CELF2: variants seen among roughly 807,000 people sequenced by gnomAD.
CELF2 encodes the protein CUG triplet repeat RNA-binding protein 2.
A neutral mutation model predicts 62.6 loss-of-function variants in CELF2; 8 were observed. The ratio of observed to expected loss-of-function variants is 0.13; its 90% CI spans 0.07 to 0.23. The LOEUF (loss-of-function observed/expected upper bound fraction) is 0.23, where lower values mean the gene tolerates loss of function less well. CELF2 is among the 10% of genes least tolerant of loss of function. CELF2 has a pLI of 1.00. For synonymous variants in CELF2, 258 were observed against 250.0 expected, an observed-to-expected ratio of 1.03 and a Z score of -0.30; for missense variants, 333 against 671.0, an observed-to-expected ratio of 0.50 and a Z score of 5.56.
At chr10:10,904,228 A>ATTTT (rs11374267) in intron 1 of CELF2, among the ~76,000 whole-genome samples, 1 of 148,302 alleles carries the variant, frequency 6.7e-6, no homozygotes, top group Non-Finnish European at 1.5e-5. Context: ...TCCATTTTTA[A>ATTTT]TTTTTTTTTT....
At chr10:10,727,904 G>A in the CELF2 span, among the ~76,000 whole-genome samples, 1 of 152,224 alleles carries the variant, frequency 6.6e-6, no homozygotes, top group African/African-American at 2.4e-5. Context: ...TTTATTGAGT[G>A]CTACAATAAG....
At chr10:11,283,141 G>C (rs1352005885) in intron 8 of CELF2, among the ~76,000 whole-genome samples, 1 of 152,218 alleles carries the variant, frequency 6.6e-6, no homozygotes, top group East Asian at 1.9e-4. Flanking sequence ...CAAGGACTAG[G>C]AGAGGGACAG....
intron 1 of CELF2, among the ~76,000 whole-genome samples, chr10:10,911,246 G>A (rs1326811627): frequency 1.3e-5 from 2 of 152,208 alleles, no homozygotes; most frequent in Admixed American, 6.5e-5. Context: ...GGGCTCCTCT[G>A]CGGAGGTGAT....
rs1335617071 is a variant in CELF2 at position 11,223,071 on chromosome 10, C to T, written c.354+5564C>T. On this transcript the variant is annotated intron_variant, in intron 3 of 12. Transcript: ENST00000633077. This position sits in a 1 kb window ranked among gnomAD's most constrained non-coding sequence, Gnocchi z 5.1. ...TAGCGAACTTTCTTATTTGAGGCTT[C>T]ACCAACGATCTCAGTTCCTTGGTGT... Among the ~76,000 whole-genome samples, 1 of 152,230 alleles carries T rather than the reference C, an allele frequency of 6.6e-6. No individual in the cohort carries two copies. Among genetic ancestry groups the T allele is most frequent in the Non-Finnish European group, 1.5e-5 (1 of 68,034 alleles).
At chr10:11,144,341 G>A (rs1170308775) in intron 1 of CELF2, among the ~76,000 whole-genome samples, 1 of 152,088 alleles carries the variant, frequency 6.6e-6, no homozygotes, top group Admixed American at 6.5e-5. Context: ...AATCAATTTA[G>A]CCATGGGATA....
At chr10:10,789,841 A>G in the CELF2 span, among the ~76,000 whole-genome samples, 1 of 152,030 alleles carries the variant, frequency 6.6e-6, no homozygotes. Flanking sequence ...ATCCATATAT[A>G]TTTCTTAATT....
the CELF2 span, among the ~76,000 whole-genome samples, chr10:10,471,925 A>G: frequency 1.3e-5 from 2 of 151,900 alleles, no homozygotes; most frequent in Admixed American, 6.6e-5. Context: ...TGTCATTCCA[A>G]TATTATCCAG....
In CELF2 at chr10:10,997,269, T is replaced by G. The variant is rs1175551790; in HGVS notation, c.89+77270T>G. ...GATGCAAGCCTTTGTGCCACTGCAC[T>G]CTAGCCTGAGCAACAGAGCAAGACA... On this transcript the variant is annotated intron_variant, in intron 2 of 13. Coordinates refer to the CELF2 transcript ENST00000636488. This position sits in a 1 kb window ranked among gnomAD's most constrained non-coding sequence, Gnocchi z 5.3. Among the ~76,000 whole-genome samples, 1 of 152,214 alleles carries G rather than the reference T, an allele frequency of 6.6e-6. No individual in the cohort carries two copies. The highest frequency in any genetic ancestry group is 1.9e-4 in the East Asian group (1 of 5,198).
At chr10:10,860,301 T>G (rs1212293430) in intron 1 of CELF2, among the ~76,000 whole-genome samples, 1 of 152,124 alleles carries the variant, frequency 6.6e-6, no homozygotes, top group East Asian at 1.9e-4. Context: ...TAACATTATT[T>G]GAAAATAGTT....
At chr10:11,087,982 C>G (rs1174830383) in intron 1 of CELF2, among the ~76,000 whole-genome samples, 1 of 152,220 alleles carries the variant, frequency 6.6e-6, no homozygotes, top group Non-Finnish European at 1.5e-5. Context: ...CTGATACATT[C>G]TCCACTGTGA....
intron 1 of CELF2, among the ~76,000 whole-genome samples, chr10:11,057,614 C>T (rs967883191): frequency 1.3e-5 from 2 of 152,248 alleles, no homozygotes; most frequent in Middle Eastern, 3.4e-3. Flanking sequence ...ACTGATTATA[C>T]GCTCAAAGCC....
At chr10:10,766,471 C>T in the CELF2 span, among the ~76,000 whole-genome samples, 16 of 152,276 alleles carry the variant, frequency 1.1e-4, no homozygotes, top group Non-Finnish European at 2.1e-4. Context: ...GGGAAAGACA[C>T]ACTGCTGCCT....
At chr10:11,152,648 C>CA (rs1172131593) in intron 1 of CELF2, among the ~76,000 whole-genome samples, 2 of 152,100 alleles carry the variant, frequency 1.3e-5, no homozygotes, top group African/African-American at 2.4e-5. Flanking sequence ...TCTTTTCTCC[C>CA]AAAAAAGGAA....
chr10:11,107,910 C>A (rs12778206), intron 1 of CELF2, among the ~76,000 whole-genome samples: 2 of 124,772 alleles, frequency 1.6e-5, no homozygotes, highest in Admixed American at 8.0e-5. Context: ...CATCTCCTCC[C>A]TTCTCCCATT....
chr10:11,331,719 A>C lies in CELF2; in HGVS notation c.*2666A>C, dbSNP rs2096025827. The stretch of plus-strand genomic sequence containing the variant: ...TTCTCTCTGATGTTTTTTGTAAGAC[A>C]TTGTATAAGTGCCCATGTCCCACTT... On this transcript the variant is annotated 3_prime_UTR_variant, in exon 13 of 13. Coordinates refer to ENST00000633077, the MANE Select transcript of CELF2 (RefSeq NM_001326342.2). The C allele has an allele frequency of 6.6e-6, 1 of 152,514 alleles. No individual in the cohort carries two copies. The highest frequency in any genetic ancestry group is 1.5e-5 in the Non-Finnish European group (1 of 67,994). 9.4% of individuals were successfully genotyped at this position (152,514 alleles called of 1,614,324 possible). A position where few individuals can be genotyped will look rare whatever the true frequency, so the allele number is the denominator to read the frequency against.
In CELF2 at chr10:11,270,165, A is replaced by G. The variant is rs578071126; in HGVS notation, c.619-501A>G. Among the ~76,000 whole-genome samples the G allele has an allele frequency of 9.8e-5, 15 of 152,368 alleles. No individual in the cohort carries two copies. The South Asian group carries it at 2.9e-3, about 29-fold the overall frequency. On this transcript the variant is annotated intron_variant, in intron 6 of 12. Coordinates refer to ENST00000633077, the MANE Select transcript of CELF2 (RefSeq NM_001326342.2). The surrounding 1 kb of genome is among the most constrained non-coding windows in gnomAD (Gnocchi z 5.8). ...GGGCCGATAGGATTGTCACAATCCC[A>G]AAGTTCACAGATACATAACTGAAAA...
At chr10:11,176,584 C>T (rs988800275) in intron 2 of CELF2, among the ~76,000 whole-genome samples, 1 of 152,128 alleles carries the variant, frequency 6.6e-6, no homozygotes, top group Non-Finnish European at 1.5e-5. Flanking sequence ...TGTGGCATTG[C>T]TTATAAAATG....
intron 2 of CELF2, among the ~76,000 whole-genome samples, chr10:10,921,724 A>G (rs1383254038): frequency 6.6e-6 from 1 of 152,122 alleles, no homozygotes; most frequent in Non-Finnish European, 1.5e-5. Flanking sequence ...CCAGGCTTCT[A>G]TTTGAACAAG....
Position 11,333,290 on chromosome 10 carries a change from T to C in CELF2, c.*4237T>C, listed in dbSNP as rs1054291022. On this transcript the variant is annotated 3_prime_UTR_variant, in exon 13 of 13. Transcript: ENST00000633077. ...TGTCCTTCTATCCACTTTTATCTTT[T>C]AATAAATATCAAAAGGAAAAAGCTG... 2.0e-5 allele frequency: 3 copies of C among 152,604 alleles called. No homozygotes were observed. The highest frequency in any genetic ancestry group is 4.8e-5 in the African/African-American group (2 of 41,444). The allele number at this position is 152,604 out of a possible 1,614,324, so 9.5% of individuals were successfully genotyped here.
Sources: allele counts gnomAD v4.1 joint callset (sites outside exome capture counted in the v4.1 genomes callset), GRCh38; gene constraint gnomAD v4.1.1; non-coding constraint Gnocchi (gnomAD v3.1); transcripts MANE v1.5; gene names NCBI Gene and HGNC (gene_info 2026-07-23, HGNC 2026-07-21).